The following SLC23A3 variants were observed in gnomAD, a reference collection of about 807,000 sequenced individuals.
SLC23A3 encodes E2-binding protein 3.
SLC23A3 carries 41 observed loss-of-function variants against 64.7 expected under a neutral mutation model. The ratio of observed to expected loss-of-function variants is 0.63; its 90% CI spans 0.49 to 0.82. The LOEUF is 0.82. Ranked by LOEUF, SLC23A3 falls within the 40% of genes least tolerant of loss-of-function variation. SLC23A3 has a pLI of 0.00. For missense variants in SLC23A3, 647 were observed against 733.4 expected, an observed-to-expected ratio of 0.88 and a Z score of 1.36; for synonymous variants, 281 against 306.8, an observed-to-expected ratio of 0.92 and a Z score of 0.88.
intron 8 of SLC23A3, 45 bp from the exon 9 acceptor site, chr2:219,164,383 CT>C: frequency 1.5e-6 from 2 of 1,300,120 alleles, no homozygotes; most frequent in Non-Finnish European, 2.2e-6. Context: ...CTTCCTCAGA[CT>C]GTCCCAGGTC....
Position 219,164,327 on chromosome 2 carries a change from C to T in SLC23A3, c.1179G>A (p.Gln393=). The T allele has an allele frequency of 6.3e-7, 1 of 1,597,940 alleles. No individual in the cohort carries two copies. Residue 393 remains glutamine (Q), a synonymous_variant, in exon 9 of 12, where the codon CAG becomes CAA. Transcript: ENST00000409878. ...GTAGCCCCACTAAGTGAGCCACTTG[C>T]TGAGATCCAGCCTGCATGAAGAAAA... The part of the protein sequence containing the change: ...GKVGLIQAGS[Q]QVAHLVGLLC...
intron 6 of SLC23A3, 66 bp from the exon 7 acceptor site, chr2:219,168,110 GAC>G: frequency 6.3e-7 from 1 of 1,577,576 alleles, no homozygotes; most frequent in Non-Finnish European, 8.6e-7. Context: ...TGCAGGGGTA[GAC>G]AGAAGCCAAA....
In SLC23A3 at chr2:219,168,336, T is replaced by TTA; in HGVS notation, c.675-20_675-19dup. Reference sequence around the variant, plus strand: ...GGATAACCCTAGGAGACAGAAGGCTTTAGGAGCAAGAGGCAGTGGGTATCC... The same window carrying TTA: ...GGATAACCCTAGGAGACAGAAGGCTTTATAGGAGCAAGAGGCAGTGGGTATCC... On this transcript the variant is annotated intron_variant, in intron 5 of 11. Coordinates refer to ENST00000409878, the MANE Select transcript of SLC23A3 (RefSeq NM_001144889.2). The TTA allele has an allele frequency of 1.3e-6, 2 of 1,572,432 alleles. No individual in the cohort carries two copies. The highest frequency in any genetic ancestry group is 1.7e-6 in the Non-Finnish European group (2 of 1,159,376).
intron 7 of SLC23A3, among the ~76,000 whole-genome samples, chr2:219,166,497 AT>A (rs1452835485): frequency 1.3e-5 from 2 of 148,604 alleles, no homozygotes; most frequent in African/African-American, 4.9e-5. Context: ...GTGCCTGGCT[AT>A]TTTATTTTAT....
rs1389866767 is a variant in SLC23A3, at chr2:219,169,506, G to A, written c.320+15C>T. Reference sequence around the variant, plus strand: ...TCCAGGACTCTGCCCCTCTCTCCAGGGAGGTTCCTCTCACCTGCTGCCCAT... The same window carrying A: ...TCCAGGACTCTGCCCCTCTCTCCAGAGAGGTTCCTCTCACCTGCTGCCCAT... On this transcript the variant is annotated intron_variant, in intron 2 of 11. Transcript: ENST00000409878. The surrounding 1 kb of genome is among the most constrained non-coding windows in gnomAD (Gnocchi z 4.5). The A allele has an allele frequency of 1.2e-6, 2 of 1,614,072 alleles. No homozygotes were observed. Among genetic ancestry groups the A allele is most frequent in the Admixed American group, 1.7e-5 (1 of 60,016 alleles).
At chr2:219,167,589 A>C (rs1198477826) in intron 7 of SLC23A3, among the ~76,000 whole-genome samples, 3 of 63,582 alleles carry the variant, frequency 4.7e-5, no homozygotes, top group Non-Finnish European at 1.1e-4. Flanking sequence ...CTGTCTCTAC[A>C]AAAAAAAAAA....
chr2:219,165,336 A>G lies in SLC23A3; in HGVS notation c.1000T>C (p.Cys334Arg), dbSNP rs1362175391. The change falls in exon 8 of 12, where the codon TGC (cysteine) becomes CGC (arginine). Residue 334 changes from cysteine to arginine, a missense_variant. By Grantham distance (180) the Cys-to-Arg change is radical (BLOSUM62 -3). Coordinates refer to ENST00000409878, the MANE Select transcript of SLC23A3 (RefSeq NM_001144889.2). ...AGCAGCCGGCCACACAGGGCATAGC[A>G]GCCCAGGGAACTGGTGGAGGCTGCC... is the stretch of plus-strand genomic sequence containing the variant. ...ALAASTSSLGCYALCGRLLHL... is the reference protein window; with the variant it reads ...ALAASTSSLGRYALCGRLLHL... The G allele has an allele frequency of 6.4e-7, 1 of 1,551,306 alleles. No homozygotes were observed. The highest frequency in any genetic ancestry group is 1.4e-5 in the African/African-American group (1 of 73,046).
chr2:219,163,906 T>A (rs1949975777), intron 9 of SLC23A3, among the ~76,000 whole-genome samples: 1 of 152,094 alleles, frequency 6.6e-6, no homozygotes, highest in Non-Finnish European at 1.5e-5. Context: ...TTCATCATGT[T>A]GGCCAGGCTG....
intron 8 of SLC23A3, 141 bp from the exon 9 acceptor site, chr2:219,164,479 A>G (rs1030585770): frequency 1.3e-5 from 8 of 601,600 alleles, no homozygotes; most frequent in Non-Finnish European, 2.4e-5. Context: ...GTCTATCTAA[A>G]CGTGCCTCCT....
chr2:219,165,373 G>A lies in SLC23A3; in HGVS notation c.963C>T (p.Ile321=). 3 of 1,551,280 alleles carry A rather than the reference G, an allele frequency of 1.9e-6. No individual in the cohort carries two copies. Among genetic ancestry groups the A allele is most frequent in the Non-Finnish European group, 2.6e-6 (3 of 1,146,868 alleles). The part of the protein sequence containing the change: ...LLTPRALAAG[I]SMALAASTSS... ...TGGTGGAGGCTGCCAAGGCCATGGA[G>A]ATGCCTGCAGCCAGAGCTCTGGGCG... is the stretch of plus-strand genomic sequence containing the variant. The change falls in exon 8 of 12, where the codon ATC becomes ATT. Residue 321 remains isoleucine (I), a synonymous_variant. Transcript: ENST00000409878.
At chr2:219,162,775 G>A (rs1264327900) in intron 10 of SLC23A3, among the ~76,000 whole-genome samples, 2 of 152,116 alleles carry the variant, frequency 1.3e-5, no homozygotes, top group Admixed American at 6.5e-5. Context: ...CTTTGTTGGG[G>A]GTGGTGGTGC....
rs940023892 is a variant in SLC23A3 at position 219,168,405 on chromosome 2, A to C, written c.675-87T>G. ...GTGGGAGTGGGCAGAATATCATAAG[A>C]GCGGGGGGTGATACCAGAGAAGGAA... On this transcript the variant is annotated intron_variant, in intron 5 of 11. Coordinates refer to ENST00000409878, the MANE Select transcript of SLC23A3 (RefSeq NM_001144889.2). The C allele has an allele frequency of 6.3e-6, 9 of 1,426,302 alleles. No individual in the cohort carries two copies. In the African/African-American group the frequency reaches 1.2e-4, roughly 18 times the overall value. 88.4% of individuals were successfully genotyped at this position (1,426,302 alleles called of 1,614,324 possible).
chr2:219,166,854 C>T (rs766231269), intron 7 of SLC23A3, among the ~76,000 whole-genome samples: 15 of 152,178 alleles, frequency 9.9e-5, no homozygotes, highest in Non-Finnish European at 2.1e-4. Context: ...GCTCTTAGGA[C>T]ACAATGTATC....
At chr2:219,162,513 C>G in intron 10 of SLC23A3, 119 bp from the exon 11 acceptor site, 1 of 710,648 alleles carries the variant, frequency 1.4e-6, no homozygotes, top group Non-Finnish European at 2.4e-6. Flanking sequence ...TCTGAATTGT[C>G]ATTTCATCCC....
chr2:219,167,020 TA>T (rs1411197279), intron 7 of SLC23A3, among the ~76,000 whole-genome samples: 2 of 152,242 alleles, frequency 1.3e-5, no homozygotes, highest in East Asian at 3.8e-4. Flanking sequence ...GCCTAGCACA[TA>T]ATCAGCAGTC....
intron 9 of SLC23A3, among the ~76,000 whole-genome samples, chr2:219,163,767 T>A (rs980567827): frequency 6.6e-6 from 1 of 152,128 alleles, no homozygotes; most frequent in African/African-American, 2.4e-5. Flanking sequence ...CAATCTCGGC[T>A]CACTGCAACC....
In SLC23A3 at chr2:219,165,350, G is replaced by A. The variant is rs575959211; in HGVS notation, c.986C>T (p.Thr329Ile). 5 of 1,551,476 alleles carry A rather than the reference G, an allele frequency of 3.2e-6. No homozygotes were observed. In the South Asian group the frequency reaches 5.9e-5, roughly 18 times the overall value. ...AGISMALAASTSSLGCYALCG... is the reference protein window; with the variant it reads ...AGISMALAASISSLGCYALCG... ...CAGGGCATAGCAGCCCAGGGAACTGGTGGAGGCTGCCAAGGCCATGGAGAT... is the reference window on the plus strand; with the variant it reads ...CAGGGCATAGCAGCCCAGGGAACTGATGGAGGCTGCCAAGGCCATGGAGAT... The change falls in exon 8 of 12, where the codon ACC becomes ATC. Residue 329 changes from threonine to isoleucine, a missense_variant. Transcript: ENST00000409878.
At position 219,170,006 on chromosome 2, in the gene SLC23A3, T is replaced by TAAA; in HGVS notation, c.-23_-22insTTT. The TAAA allele has an allele frequency of 6.2e-7, 1 of 1,612,280 alleles. No individual in the cohort carries two copies. Among genetic ancestry groups the TAAA allele is most frequent in the East Asian group, 2.2e-5 (1 of 44,858 alleles). On this transcript the variant is annotated 5_prime_UTR_variant, in exon 1 of 12. Transcript: ENST00000409878. ...TCATGCTGCCTTGCCTTTCGCTTTG[T>TAAA]CTTGGCTGCCCGGGACCAGAGTTAA... is the stretch of plus-strand genomic sequence containing the variant.
At chr2:219,167,571 G>A in intron 7 of SLC23A3, among the ~76,000 whole-genome samples, 1 of 134,046 alleles carries the variant, frequency 7.5e-6, no homozygotes. Context: ...GGGCAACATG[G>A]TGAAACCCTG....
Sources: gnomAD v4.1 joint callset for allele counts (sites outside exome capture counted in the v4.1 genomes callset) on GRCh38, gnomAD v4.1.1 for gene constraint, Gnocchi (gnomAD v3.1) non-coding constraint, MANE v1.5 for transcripts, NCBI Gene and HGNC (gene_info 2026-07-23, HGNC 2026-07-21) for gene names.